EPHA8: variants seen among roughly 807,000 people sequenced by gnomAD.
EPHA8 encodes ephrin type-A receptor 8.
Under a neutral mutation model 103.6 loss-of-function variants are expected in EPHA8, and 58 were observed. That is an observed-to-expected ratio of 0.56 (90% confidence interval 0.45 to 0.70). The LOEUF (loss-of-function observed/expected upper bound fraction) is 0.70. Ranked by LOEUF, EPHA8 falls within the 30% of genes least tolerant of loss-of-function variation. The pLI is 0.00. For missense variants in EPHA8, 1,304 were observed against 1,395.2 expected, an observed-to-expected ratio of 0.93 and a Z score of 1.04; for synonymous variants, 559 against 572.5, an observed-to-expected ratio of 0.98 and a Z score of 0.34.
chr1:22,578,489 CAT>C (rs1418666632), intron 3 of EPHA8, among the ~76,000 whole-genome samples: 2 of 106,320 alleles, frequency 1.9e-5, no homozygotes, highest in African/African-American at 6.8e-5. Context: ...TGAGTGTGTG[CAT>C]GTGTGCATGA....
At chr1:22,594,078 G>A (rs541029090) in intron 7 of EPHA8, among the ~76,000 whole-genome samples, 48 of 152,142 alleles carry the variant, frequency 3.2e-4, no homozygotes, top group Non-Finnish European at 5.6e-4. Flanking sequence ...TGATCCACCC[G>A]CCTCAGCCTC....
At position 22,596,019 on chromosome 1, in the gene EPHA8, G is replaced by A. The variant is rs548751244; in HGVS notation, c.1698-87G>A. On this transcript the variant is annotated intron_variant, in intron 8 of 16. Coordinates refer to ENST00000166244, the MANE Select transcript of EPHA8 (RefSeq NM_020526.5). ...CCTGTCAGGGGAAGGGGCATGAAGA[G>A]AGAAGCCATGACTCGTTCCCTGGTT... is the stretch of plus-strand genomic sequence containing the variant. The A allele has an allele frequency of 5.6e-6, 7 of 1,252,332 alleles. No individual in the cohort carries two copies. The African/African-American group carries it at 1.0e-4, about 18-fold the overall frequency. 77.6% of individuals were successfully genotyped at this position (1,252,332 alleles called of 1,614,324 possible).
At position 22,598,392 on chromosome 1, in the gene EPHA8, C is replaced by T. The variant is rs1251367922; in HGVS notation, c.2178+180C>T. 6.6e-6 allele frequency among the ~76,000 whole-genome samples: 1 copy of T among 152,150 alleles called. No homozygotes were observed. ...CAGCCAGTCGAACTGCCTTTCGGCC[C>T]CCATTGCATGAAAGTCCCTCTGCTC... On this transcript the variant is annotated intron_variant, in intron 12 of 16. Transcript: ENST00000166244. The surrounding 1 kb of genome is among the most constrained non-coding windows in gnomAD (Gnocchi z 5.1).
chr1:22,595,180 C>T, intron 7 of EPHA8, 50 bp from the exon 8 acceptor site: 1 of 1,505,540 alleles, frequency 6.6e-7, no homozygotes, highest in Non-Finnish European at 9.1e-7. Flanking sequence ...CCCCTGGGCC[C>T]AAGGCCAGGG....
rs374307788 is a variant in EPHA8, at chr1:22,597,509, C to G, written c.1930+33C>G. Reference sequence around the variant, plus strand: ...TCAGGGGTTGTGAGGGCGGGGCCAGCATGGGGCAAGGTGGGGGCACCCAGG... The same window carrying G: ...TCAGGGGTTGTGAGGGCGGGGCCAGGATGGGGCAAGGTGGGGGCACCCAGG... On this transcript the variant is annotated intron_variant, in intron 10 of 16. Coordinates refer to ENST00000166244, the MANE Select transcript of EPHA8 (RefSeq NM_020526.5). This position sits in a 1 kb window ranked among gnomAD's most constrained non-coding sequence, Gnocchi z 4.6. The G allele has an allele frequency of 3.2e-5, 51 of 1,602,236 alleles. No individual in the cohort carries two copies. The African/African-American group carries it at 5.9e-4, about 18-fold the overall frequency.
At chr1:22,584,469 TCTCCTGA>T (rs796992873) in intron 3 of EPHA8, among the ~76,000 whole-genome samples, 10 of 152,302 alleles carry the variant, frequency 6.6e-5, no homozygotes, top group African/African-American at 2.4e-4. Flanking sequence ...CGTTACCATT[TCTCCTGA>T]CTCCAGGTTT....
Position 22,600,222 on chromosome 1 carries a change from AAAG to A in EPHA8, c.2389-433_2389-431del, listed in dbSNP as rs201904815. Among the ~76,000 whole-genome samples, 1,308 of 138,532 alleles carry A rather than the reference AAAG, an allele frequency of 9.4e-3. 10 individuals carry two copies. Among genetic ancestry groups the A allele is most frequent in the African/African-American group, 0.022 (732 of 33,462 alleles). The allele number at this position is 138,532 out of a possible 152,430, so 90.9% of individuals were successfully genotyped here. Reference sequence around the variant, plus strand: ...GGAGGGAGGGAGGAAGGTGGGAGGGAAAGAAGAAAGGAGGGAAGGAAGGACAGA... The same window carrying A: ...GGAGGGAGGGAGGAAGGTGGGAGGGAAAGAAAGGAGGGAAGGAAGGACAGA... On this transcript the variant is annotated intron_variant, in intron 13 of 16. Coordinates refer to ENST00000166244, the MANE Select transcript of EPHA8 (RefSeq NM_020526.5).
intron 1 of EPHA8, among the ~76,000 whole-genome samples, chr1:22,568,525 A>G (rs1280559343): frequency 6.6e-6 from 1 of 152,190 alleles, no homozygotes; most frequent in Non-Finnish European, 1.5e-5. Flanking sequence ...GACCTCCCTG[A>G]GGCTCGGTTC....
Position 22,597,980 on chromosome 1 carries a change from G to A in EPHA8, c.2116+119G>A. ...ACCTGACCCTGTCCTCTTGGTTCAG[G>A]TCCCTGAATGACTCGGGGTGCCCAG... is the stretch of plus-strand genomic sequence containing the variant. On this transcript the variant is annotated intron_variant, in intron 11 of 16. Coordinates refer to ENST00000166244, the MANE Select transcript of EPHA8 (RefSeq NM_020526.5). This position sits in a 1 kb window ranked among gnomAD's most constrained non-coding sequence, Gnocchi z 4.6. 2 of 1,464,392 alleles carry A rather than the reference G, an allele frequency of 1.4e-6. No homozygotes were observed. The highest frequency in any genetic ancestry group is 1.9e-6 in the Non-Finnish European group (2 of 1,064,194). The allele number at this position is 1,464,392 out of a possible 1,614,324, so 90.7% of individuals were successfully genotyped here.
At chr1:22,580,099 C>T (rs986982245) in intron 3 of EPHA8, among the ~76,000 whole-genome samples, 1 of 150,938 alleles carries the variant, frequency 6.6e-6, no homozygotes, top group African/African-American at 2.4e-5. Flanking sequence ...AAGCCCTTCC[C>T]GGAGGCTCTC....
intron 1 of EPHA8, among the ~76,000 whole-genome samples, chr1:22,565,000 G>C (rs930689808): frequency 1.3e-5 from 2 of 152,074 alleles, no homozygotes; most frequent in Non-Finnish European, 2.9e-5. Context: ...ATTCACACTT[G>C]TGACCCAGGC....
chr1:22,593,163 G>T (rs932424970), intron 5 of EPHA8, among the ~76,000 whole-genome samples, 163 bp from the exon 6 acceptor site: 1 of 152,242 alleles, frequency 6.6e-6, no homozygotes, highest in Non-Finnish European at 1.5e-5. Context: ...CCAGCGATTT[G>T]TTGGGAGAAC....
At chr1:22,587,609 G>A (rs573491568) in intron 4 of EPHA8, among the ~76,000 whole-genome samples, 3 of 152,170 alleles carry the variant, frequency 2.0e-5, no homozygotes, top group Non-Finnish European at 2.9e-5. Context: ...TCCAGGCCTG[G>A]GGAGGGACCA....
At chr1:22,578,199 CGTGCG>C (rs1640825308) in intron 3 of EPHA8, among the ~76,000 whole-genome samples, 3 of 40,970 alleles carry the variant, frequency 7.3e-5, no homozygotes, top group African/African-American at 1.5e-4. Flanking sequence ...CATGTGTGTG[CGTGCG>C]AGTGTGTGCG....
chr1:22,576,714 G>C lies in EPHA8; in HGVS notation c.657G>C (p.Thr219=). 6.2e-7 allele frequency: 1 copy of C among 1,613,814 alleles called. No homozygotes were observed. Among genetic ancestry groups the C allele is most frequent in the Non-Finnish European group, 8.5e-7 (1 of 1,180,026 alleles). The change falls in exon 3 of 17, where the codon ACG becomes ACC. Residue 219 remains threonine (T), a synonymous_variant. Coordinates refer to ENST00000166244, the MANE Select transcript of EPHA8 (RefSeq NM_020526.5). This position sits in a 1 kb window ranked among gnomAD's most constrained non-coding sequence, Gnocchi z 4.8. ...TGGCTGCCTTCTCGGAGGCAGTGACGGGGGCCGACTCGTCCTCACTGGTGG... is the reference window on the plus strand; with the variant it reads ...TGGCTGCCTTCTCGGAGGCAGTGACCGGGGCCGACTCGTCCTCACTGGTGG... ...RNLAAFSEAV[T]GADSSSLVEV... is the part of the protein sequence containing the mutation.
chr1:22,579,323 A>C (rs1248689081), intron 3 of EPHA8, among the ~76,000 whole-genome samples: 3 of 149,200 alleles, frequency 2.0e-5, no homozygotes, highest in Non-Finnish European at 3.0e-5. Context: ...GTATATATGC[A>C]TGTGTCCATG....
chr1:22,586,117 G>C (rs998271787), intron 3 of EPHA8, among the ~76,000 whole-genome samples: 1 of 152,156 alleles, frequency 6.6e-6, no homozygotes, highest in African/African-American at 2.4e-5. Context: ...CCATAAAAGA[G>C]AGAAGGACAG....
intron 3 of EPHA8, among the ~76,000 whole-genome samples, chr1:22,579,102 T>TGTGC (rs1557562429): frequency 8.4e-5 from 11 of 131,660 alleles, no homozygotes; most frequent in African/African-American, 4.7e-4. Context: ...TGTGCATGTG[T>TGTGC]ATGTGTGCAT....
At chr1:22,599,838 AGAG>A (rs1323845364) in intron 13 of EPHA8, among the ~76,000 whole-genome samples, 2 of 65,068 alleles carry the variant, frequency 3.1e-5, no homozygotes, top group Non-Finnish European at 5.7e-5. Context: ...AGGGGAGGGA[AGAG>A]GAGAGGAGGG....
Sources: allele counts gnomAD v4.1 joint callset (sites outside exome capture counted in the v4.1 genomes callset), GRCh38; gene constraint gnomAD v4.1.1; non-coding constraint Gnocchi (gnomAD v3.1); transcripts MANE v1.5; gene names NCBI Gene and HGNC (gene_info 2026-07-23, HGNC 2026-07-21).